The following DDRGK1 variants were observed in gnomAD, a reference collection of about 807,000 sequenced individuals.
The protein encoded by DDRGK1 is DDRGK domain-containing protein 1.
In DDRGK1, 38 loss-of-function variants were observed where a neutral mutation model predicts 45.8. That is an observed-to-expected ratio of 0.83 (90% CI 0.64 to 1.09). The LOEUF is 1.09. Ranked by LOEUF, DDRGK1 falls within the 50% of genes least tolerant of loss-of-function variation. The probability of loss-of-function intolerance (pLI) is 0.00; values close to 1 mark genes in which losing one functional copy is unlikely to be tolerated. For synonymous variants in DDRGK1, 171 were observed against 168.7 expected, an observed-to-expected ratio of 1.01 and a Z score of -0.11; for missense variants, 403 against 419.9, an observed-to-expected ratio of 0.96 and a Z score of 0.35.
chr20:3,200,606 G>T (rs1162180390), intron 2 of DDRGK1, 152 bp from the exon 3 acceptor site: 1 of 662,750 alleles, frequency 1.5e-6, no homozygotes, highest in Non-Finnish European at 2.6e-6. Context: ...AGAGGCATCT[G>T]CCATGAGTGC....
rs145917479 is a variant in DDRGK1, at chr20:3,203,315, G to A, written c.193C>T (p.Arg65Trp). Residue 65 changes from arginine (R) to tryptophan (W), a missense_variant, in exon 2 of 9, where the codon CGG (arginine) becomes TGG (tryptophan). By Grantham distance (101) the Arg-to-Trp change is moderately radical. Coordinates refer to ENST00000354488, the MANE Select transcript of DDRGK1 (RefSeq NM_023935.3). ...CGGCTGCCCAGGTCCCTCCGGCGCC[G>A]AGGCCTGCCTCCAGCTCTCGGCTCC... ...PEEPRAGGRP[R>W]RRRDLGSRLQ... 9.0e-5 allele frequency: 145 copies of A among 1,608,472 alleles called. No homozygotes were observed. The African/African-American group carries it at 1.3e-3, about 15-fold the overall frequency.
chr20:3,200,959 A>T (rs1041067866), intron 2 of DDRGK1, among the ~76,000 whole-genome samples: 6 of 152,132 alleles, frequency 3.9e-5, no homozygotes, highest in African/African-American at 7.2e-5. Context: ...AAATACAAAA[A>T]ATTAGCTGGG....
intron 7 of DDRGK1, 174 bp downstream of exon 7, chr20:3,191,591 C>T (rs1012626441): frequency 8.4e-6 from 7 of 833,484 alleles, no homozygotes; most frequent in Admixed American, 2.0e-5. Flanking sequence ...CCTGCCTGTT[C>T]GTCCATTAAA....
At chr20:3,190,886 C>A in intron 8 of DDRGK1, 67 bp from the exon 9 acceptor site, 1 of 1,530,652 alleles carries the variant, frequency 6.5e-7, no homozygotes, top group Non-Finnish European at 8.8e-7. Flanking sequence ...TGAGAATGCC[C>A]ACCTACTCCT....
At chr20:3,203,632 T>C (rs1346792114) in intron 1 of DDRGK1, among the ~76,000 whole-genome samples, 1 of 152,200 alleles carries the variant, frequency 6.6e-6, no homozygotes, top group African/African-American at 2.4e-5. Flanking sequence ...CCTGTGTGAA[T>C]ACTCCTCTCC....
rs1208875772 is a variant in DDRGK1 at position 3,190,664 on chromosome 20, C to T, written c.934G>A (p.Ala312Thr). The T allele has an allele frequency of 6.2e-7, 1 of 1,613,808 alleles. No homozygotes were observed. Among genetic ancestry groups the T allele is most frequent in the Non-Finnish European group, 8.5e-7 (1 of 1,179,990 alleles). ...IAWGRESPAQ[A>T]PA Reference sequence around the variant, plus strand: ...GGGAAGGACTGGGGTCAGGCTGGGGCTTGGGCAGGGGACTCCCGGCCCCAG... The same window carrying T: ...GGGAAGGACTGGGGTCAGGCTGGGGTTTGGGCAGGGGACTCCCGGCCCCAG... The change falls in exon 9 of 9, where the codon GCC becomes ACC. Residue 312 changes from alanine to threonine, a missense_variant. Transcript: ENST00000354488.
intron 1 of DDRGK1, among the ~76,000 whole-genome samples, chr20:3,203,870 G>A (rs1275193835): frequency 6.7e-6 from 1 of 149,556 alleles, no homozygotes; most frequent in Non-Finnish European, 1.5e-5. Flanking sequence ...CCGCTCCTGG[G>A]AGCGCGCAGG....
chr20:3,197,921 CAA>C (rs34622182), intron 4 of DDRGK1, among the ~76,000 whole-genome samples: 44 of 65,444 alleles, frequency 6.7e-4, no homozygotes, highest in East Asian at 7.9e-4. Context: ...GACTGTATCT[CAA>C]AAAAAAAAAA....
intron 4 of DDRGK1, among the ~76,000 whole-genome samples, chr20:3,197,611 T>C (rs1453592617): frequency 6.6e-6 from 1 of 152,122 alleles, no homozygotes; most frequent in Admixed American, 6.6e-5. Flanking sequence ...AGGGACCTTC[T>C]ACAAACTACT....
At chr20:3,198,284 G>A (rs1279067838) in intron 4 of DDRGK1, among the ~76,000 whole-genome samples, 2 of 150,844 alleles carry the variant, frequency 1.3e-5, no homozygotes, top group African/African-American at 4.9e-5. Context: ...TGCACCTGTA[G>A]TCCCACCTAC....
At chr20:3,191,975 A>ACACG in intron 6 of DDRGK1, among the ~76,000 whole-genome samples, 154 bp from the exon 7 acceptor site, 1 of 108,252 alleles carries the variant, frequency 9.2e-6, no homozygotes, top group African/African-American at 3.1e-5. Flanking sequence ...CTCCCCTGAC[A>ACACG]CACACACACA....
intron 2 of DDRGK1, among the ~76,000 whole-genome samples, chr20:3,202,965 G>A (rs1416117465): frequency 6.6e-6 from 1 of 152,144 alleles, no homozygotes; most frequent in Admixed American, 6.5e-5. Flanking sequence ...GGTGAATTGA[G>A]GAACATTCTG....
intron 1 of DDRGK1, 44 bp from the exon 2 acceptor site, chr20:3,203,460 C>T (rs776695614): frequency 1.4e-6 from 2 of 1,470,596 alleles, no homozygotes; most frequent in Non-Finnish European, 1.8e-6. Context: ...TAAGCCCAGC[C>T]CGGCCCATGG....
rs565811732 is a variant in DDRGK1, at chr20:3,202,845, G to A, written c.295+368C>T. On this transcript the variant is annotated intron_variant, in intron 2 of 8. Coordinates refer to ENST00000354488, the MANE Select transcript of DDRGK1 (RefSeq NM_023935.3). ...TTAAACTGTTTTCCTGGGGTTGTGG[G>A]TGACCCCACTCCAGGAACTGCAGAA... Among the ~76,000 whole-genome samples the A allele has an allele frequency of 3.3e-5, 5 of 152,288 alleles. No individual in the cohort carries two copies. The East Asian group carries it at 9.6e-4, about 29-fold the overall frequency.
At chr20:3,195,931 AC>A (rs2067008162) in intron 4 of DDRGK1, among the ~76,000 whole-genome samples, 1 of 151,320 alleles carries the variant, frequency 6.6e-6, no homozygotes, top group Non-Finnish European at 1.5e-5. Flanking sequence ...TCCAGATCCC[AC>A]CCTCTCCTGG....
At position 3,203,468 on chromosome 20, in the gene DDRGK1, T is replaced by C. The variant is rs1242409305; in HGVS notation, c.92-52A>G. ...CTGCCTATAAGCCCAGCCCGGCCCA[T>C]GGCAGGAGGAGCGGCAGCCCGGAAG... On this transcript the variant is annotated intron_variant, in intron 1 of 8. Transcript: ENST00000354488. The C allele has an allele frequency of 2.1e-6, 3 of 1,454,052 alleles. No homozygotes were observed. The African/African-American group carries it at 4.3e-5, about 21-fold the overall frequency. 90.1% of individuals were successfully genotyped at this position (1,454,052 alleles called of 1,614,324 possible).
chr20:3,199,451 C>G (rs981514281), intron 4 of DDRGK1, among the ~76,000 whole-genome samples: 2 of 152,206 alleles, frequency 1.3e-5, no homozygotes, highest in African/African-American at 4.8e-5. Context: ...TCAGAGGTCA[C>G]AGGTCTTCCC....
At position 3,200,341 on chromosome 20, in the gene DDRGK1, C is replaced by T. The variant is rs1325869434; in HGVS notation, c.408+1G>A. The T allele has an allele frequency of 1.9e-6, 3 of 1,560,506 alleles. No individual in the cohort carries two copies. The highest frequency in any genetic ancestry group is 8.7e-7 in the Non-Finnish European group (1 of 1,151,882). The stretch of plus-strand genomic sequence containing the variant: ...AGCTGCACCCCATCCCTCCGGCTTG[C>T]CTCACGCTGGGCCTTTCGCGCTTGT... On this transcript the variant is annotated splice_donor_variant, in intron 3 of 8. Transcript: ENST00000354488. LOFTEE classifies it high-confidence loss of function.
chr20:3,196,111 C>A (rs1338264520), intron 4 of DDRGK1, among the ~76,000 whole-genome samples: 1 of 152,200 alleles, frequency 6.6e-6, no homozygotes, highest in African/African-American at 2.4e-5. Flanking sequence ...TTCTCCCAAA[C>A]ACACAACGGT....
Sources: allele counts gnomAD v4.1 joint callset (sites outside exome capture counted in the v4.1 genomes callset), GRCh38; gene constraint gnomAD v4.1.1; transcripts MANE v1.5; gene names NCBI Gene and HGNC (gene_info 2026-07-23, HGNC 2026-07-21).